SRGAP3: variants seen among roughly 807,000 people sequenced by gnomAD.
SRGAP3 encodes the protein SLIT-ROBO Rho GTPase-activating protein 3.
SRGAP3 carries 39 observed loss-of-function variants against 121.1 expected under a neutral mutation model. The ratio of observed to expected loss-of-function variants is 0.32; its 90% CI spans 0.25 to 0.42. SRGAP3 has a LOEUF of 0.42. Ranked by LOEUF, SRGAP3 falls within the 10% of genes least tolerant of loss-of-function variation. SRGAP3 has a pLI of 1.00. For synonymous variants in SRGAP3, 601 were observed against 570.0 expected (o/e 1.05, Z -0.77); for missense variants, 1,213 against 1,470.6 (o/e 0.82, Z 2.86).
chr3:9,158,946 G>A (rs749007305), intron 1 of SRGAP3, among the ~76,000 whole-genome samples: 4 of 152,144 alleles, frequency 2.6e-5, no homozygotes, highest in African/African-American at 7.2e-5. Flanking sequence ...AGAGCCCATC[G>A]GCAGCCAGAG....
chr3:9,251,111 C>A (rs758966264), upstream of SRGAP3, among the ~76,000 whole-genome samples: 7 of 152,180 alleles, frequency 4.6e-5, no homozygotes, highest in Non-Finnish European at 1.0e-4. Context: ...ATGGCAGCTG[C>A]AGTGGGCGTC....
intron 1 of SRGAP3, among the ~76,000 whole-genome samples, chr3:9,153,701 G>A (rs1950289882): frequency 6.6e-6 from 1 of 151,772 alleles, no homozygotes; most frequent in South Asian, 2.1e-4. Context: ...GAAAGAGAGT[G>A]ACAAAAAGAT....
At chr3:9,021,787 A>G (rs1156240024) in intron 14 of SRGAP3, among the ~76,000 whole-genome samples, 2 of 152,342 alleles carry the variant, frequency 1.3e-5, no homozygotes, top group African/African-American at 4.8e-5. Context: ...GAGGATTTAA[A>G]TTTTAAAAAT....
chr3:9,232,923 T>C (rs1315063995), intron 1 of SRGAP3, among the ~76,000 whole-genome samples: 1 of 152,192 alleles, frequency 6.6e-6, no homozygotes, highest in Non-Finnish European at 1.5e-5. Flanking sequence ...AGTATTTTCT[T>C]TTCCCAGCTA....
At chr3:9,021,357 C>T (rs1210165743) in intron 14 of SRGAP3, among the ~76,000 whole-genome samples, 1 of 152,174 alleles carries the variant, frequency 6.6e-6, no homozygotes, top group African/African-American at 2.4e-5. Context: ...GTGGGGGACC[C>T]TCTGGGAGAC....
Position 8,990,788 on chromosome 3 carries a change from G to GC in SRGAP3, c.2609dup (p.Asp871ArgfsTer40). 6.3e-7 allele frequency: 1 copy of GC among 1,593,106 alleles called. No individual in the cohort carries two copies. Among genetic ancestry groups the GC allele is most frequent in the Non-Finnish European group, 8.5e-7 (1 of 1,170,152 alleles). On this transcript the variant is annotated frameshift_variant, in exon 21 of 22. Transcript: ENST00000383836. LOFTEE classifies it high-confidence loss of function. ...GGCCCCGGGGCGGGCTGTGTGTGTC[G>GC]CCCCCGCTTCGGCGTCTGGGGATGG...
In SRGAP3 at chr3:8,994,469, C is replaced by A. The variant is rs1363350007; in HGVS notation, c.2282G>T (p.Arg761Leu). Residue 761 changes from arginine (R) to leucine (L), a missense_variant, in exon 19 of 22, where the codon CGT becomes CTT. Arg to Leu is a moderately radical substitution (Grantham distance 102). Coordinates refer to ENST00000383836, the MANE Select transcript of SRGAP3 (RefSeq NM_014850.4). ...AKFDYMGRSP[R>L]ELSFKKGASL... is the part of the protein sequence containing the mutation. Reference sequence around the variant, plus strand: ...GGCCCCCTTCTTGAAGGATAGCTCACGCGGGGACCGCCCCATGTAGTCAAA... The same window carrying A: ...GGCCCCCTTCTTGAAGGATAGCTCAAGCGGGGACCGCCCCATGTAGTCAAA... 1 of 1,614,174 alleles carries A rather than the reference C, an allele frequency of 6.2e-7. No individual in the cohort carries two copies. Among genetic ancestry groups the A allele is most frequent in the Non-Finnish European group, 8.5e-7 (1 of 1,180,044 alleles).
chr3:8,992,276 C>CT (rs2124935525), intron 20 of SRGAP3, among the ~76,000 whole-genome samples: 1 of 152,260 alleles, frequency 6.6e-6, no homozygotes, highest in African/African-American at 2.4e-5. Context: ...CTTTTCTTTT[C>CT]TTTTCTTCTT....
intron 1 of SRGAP3, among the ~76,000 whole-genome samples, chr3:9,342,378 C>T (rs1955802635): frequency 6.6e-6 from 1 of 151,724 alleles, no homozygotes; most frequent in Non-Finnish European, 1.5e-5. Context: ...AGCAAAAAAT[C>T]ATTTTGATTG....
chr3:9,148,233 T>C (rs2125048512), intron 1 of SRGAP3, among the ~76,000 whole-genome samples: 1 of 152,224 alleles, frequency 6.6e-6, no homozygotes, highest in Non-Finnish European at 1.5e-5. Flanking sequence ...AACGCCGGCT[T>C]TTATTTCAGG....
chr3:9,180,988 G>A (rs1220172765), intron 1 of SRGAP3, among the ~76,000 whole-genome samples: 1 of 152,198 alleles, frequency 6.6e-6, no homozygotes, highest in South Asian at 2.1e-4. Context: ...CTGGAGACAC[G>A]GAGGCAGCCG....
chr3:9,309,179 C>T lies in SRGAP3; in HGVS notation n.442+16831G>A, dbSNP rs115730212. 3.9e-3 allele frequency among the ~76,000 whole-genome samples: 592 copies of T among 152,266 alleles called. 5 individuals carry two copies. Among genetic ancestry groups the T allele is most frequent in the African/African-American group, 0.013 (552 of 41,544 alleles). ...GAAACCATGTGGGGTGAGACCCAGC[C>T]CTCCTAGCATCCTGGCTGAGCACCC... is the stretch of plus-strand genomic sequence containing the variant. On this transcript the variant is annotated intron_variant and non_coding_transcript_variant, in intron 3 of 3. Coordinates refer to the SRGAP3 transcript ENST00000490889.
intron 1 of SRGAP3, among the ~76,000 whole-genome samples, chr3:9,174,269 A>G (rs1161986854): frequency 6.6e-6 from 1 of 152,240 alleles, no homozygotes; most frequent in Non-Finnish European, 1.5e-5. Context: ...GATGGTGGTG[A>G]TGGCTGCACA....
In SRGAP3 at chr3:9,299,696, G is replaced by A. The variant is rs183360487; in HGVS notation, n.442+26314C>T. Among the ~76,000 whole-genome samples the A allele has an allele frequency of 6.6e-3, 1,006 of 152,294 alleles. 9 individuals carry two copies. Among genetic ancestry groups the A allele is most frequent in the African/African-American group, 0.022 (913 of 41,556 alleles). ...AGGCTGAGGCAGGTGGATCATCTGA[G>A]CTTAGGAGTTCGAGACCAGCCTGGC... On this transcript the variant is annotated intron_variant and non_coding_transcript_variant, in intron 3 of 3. Transcript: ENST00000490889.
chr3:9,335,366 T>C (rs1955674244), intron 1 of SRGAP3, among the ~76,000 whole-genome samples: 1 of 152,238 alleles, frequency 6.6e-6, no homozygotes, highest in Non-Finnish European at 1.5e-5. Flanking sequence ...GATTTTGAAA[T>C]ATTAACTAAT....
intron 1 of SRGAP3, among the ~76,000 whole-genome samples, chr3:9,139,460 T>C (rs140372499): frequency 1.1e-3 from 171 of 152,212 alleles, no homozygotes; most frequent in African/African-American, 3.8e-3. Flanking sequence ...AGTGTGACCA[T>C]AGAGGCAGAG....
At chr3:9,210,563 A>G (rs1479046526) in intron 1 of SRGAP3, among the ~76,000 whole-genome samples, 1 of 152,148 alleles carries the variant, frequency 6.6e-6, no homozygotes, top group African/African-American at 2.4e-5. Flanking sequence ...AATGGCTGAC[A>G]CCTATAATCC....
chr3:9,009,336 T>C (rs372971740), intron 18 of SRGAP3, among the ~76,000 whole-genome samples: 8 of 152,242 alleles, frequency 5.3e-5, no homozygotes, highest in African/African-American at 1.9e-4. Context: ...AGCCATGATG[T>C]TTAAAAAGGA....
At position 8,980,873 on chromosome 3, in the gene SRGAP3, A is replaced by T. The variant is rs1263637448; in HGVS notation, c.*4646T>A. The T allele has an allele frequency of 4.3e-6, 1 of 233,330 alleles. No homozygotes were observed. The highest frequency in any genetic ancestry group is 8.5e-6 in the Non-Finnish European group (1 of 117,880). 14.5% of individuals were successfully genotyped at this position (233,330 alleles called of 1,614,324 possible). ...GACCAGCCACTCTGAAGCAATCAGA[A>T]TCAAACCTATTGCCAAACCATGTAA... On this transcript the variant is annotated 3_prime_UTR_variant, in exon 22 of 22. Transcript: ENST00000383836.
Sources: allele counts gnomAD v4.1 joint callset (sites outside exome capture counted in the v4.1 genomes callset), GRCh38; gene constraint gnomAD v4.1.1; transcripts MANE v1.5; gene names NCBI Gene and HGNC (gene_info 2026-07-23, HGNC 2026-07-21).